Variants in METTL16 observed in about 807,000 individuals in gnomAD.
The protein encoded by METTL16 is methyltransferase 16, RNA N6-adenosine, also known as RNA N(6)-adenosine-methyltransferase METTL16.
A neutral mutation model predicts 57.9 loss-of-function variants in METTL16; 19 were observed. That is an observed-to-expected ratio of 0.33 (90% CI 0.23 to 0.48). The LOEUF (loss-of-function observed/expected upper bound fraction) is 0.48, where lower values mean the gene tolerates loss of function less well. Ranked by LOEUF, METTL16 falls within the 20% of genes least tolerant of loss-of-function variation. The pLI, the probability that METTL16 is intolerant of heterozygous loss-of-function variation, is 0.99. For synonymous variants in METTL16, 246 were observed against 255.6 expected (o/e 0.96, Z 0.36); for missense variants, 434 against 691.5 (o/e 0.63, Z 4.18).
intron 5 of METTL16, among the ~76,000 whole-genome samples, chr17:2,467,332 A>C (rs1194747040): frequency 6.6e-6 from 1 of 152,212 alleles, no homozygotes; most frequent in African/African-American, 2.4e-5. Flanking sequence ...TGAGCAACAC[A>C]GCGAGACCTC....
At chr17:2,428,349 A>T (rs924476103) in intron 8 of METTL16, among the ~76,000 whole-genome samples, 1 of 151,318 alleles carries the variant, frequency 6.6e-6, no homozygotes, top group Non-Finnish European at 1.5e-5. Flanking sequence ...ATGATAAAAA[A>T]GACTCACGAG....
rs907363388 is a variant in METTL16 at position 2,417,725 on chromosome 17, A to C, written c.*2245T>G. On this transcript the variant is annotated 3_prime_UTR_variant, in exon 10 of 10. Transcript: ENST00000263092. ...CACCCCGTCTACAGAGAGACTAGAA[A>C]GGAACACGCCAATGCCAAGAGTGGT... 2.0e-5 allele frequency: 3 copies of C among 152,242 alleles called. No homozygotes were observed. Among genetic ancestry groups the C allele is most frequent in the African/African-American group, 7.2e-5 (3 of 41,466 alleles). 9.4% of individuals were successfully genotyped at this position (152,242 alleles called of 1,614,324 possible).
At chr17:2,462,704 A>C (rs1597455819) in intron 6 of METTL16, among the ~76,000 whole-genome samples, 1 of 152,044 alleles carries the variant, frequency 6.6e-6, no homozygotes, top group Non-Finnish European at 1.5e-5. Flanking sequence ...CCATGATTGT[A>C]CGTTTCCTGA....
At chr17:2,490,418 A>C (rs1226641704) in intron 2 of METTL16, among the ~76,000 whole-genome samples, 3 of 152,200 alleles carry the variant, frequency 2.0e-5, no homozygotes, top group Non-Finnish European at 4.4e-5. Flanking sequence ...GAATGATTGT[A>C]TGTAACTACA....
At chr17:2,467,982 G>C (rs1229206483) in intron 4 of METTL16, 106 bp from the exon 5 acceptor site, 4 of 743,206 alleles carry the variant, frequency 5.4e-6, no homozygotes, top group Non-Finnish European at 9.4e-6. Context: ...ATATGATGGT[G>C]GTCCCGTAAG....
rs575533508 is a variant in METTL16, at chr17:2,502,509, G to A, written c.1-178C>T. Among the ~76,000 whole-genome samples, 202 of 152,128 alleles carry A rather than the reference G, an allele frequency of 1.3e-3. 1 individual carries two copies. The highest frequency in any genetic ancestry group is 2.0e-3 in the Non-Finnish European group (134 of 67,970). Reference sequence around the variant, plus strand: ...GGCCAACATGATGGGATGAAAGCCCGTCTCTACTAAAAATACAAAAAGTAG... The same window carrying A: ...GGCCAACATGATGGGATGAAAGCCCATCTCTACTAAAAATACAAAAAGTAG... On this transcript the variant is annotated intron_variant, in intron 1 of 9. Transcript: ENST00000263092.
At chr17:2,500,029 C>G (rs1371025652) in intron 2 of METTL16, among the ~76,000 whole-genome samples, 1 of 152,142 alleles carries the variant, frequency 6.6e-6, no homozygotes. Context: ...GATCTTAACC[C>G]TTATACTTGG....
chr17:2,486,816 T>C (rs933126822), intron 2 of METTL16, among the ~76,000 whole-genome samples: 6 of 151,422 alleles, frequency 4.0e-5, no homozygotes, highest in African/African-American at 1.5e-4. Context: ...CTATAAAATA[T>C]ACAAAAATTA....
intron 2 of METTL16, among the ~76,000 whole-genome samples, chr17:2,493,473 C>T (rs993020641): frequency 1.3e-5 from 2 of 151,678 alleles, no homozygotes; most frequent in Admixed American, 1.3e-4. Context: ...AATCCCAGCA[C>T]TTTGGGAGGC....
chr17:2,461,721 C>T (rs2067151375), intron 6 of METTL16, among the ~76,000 whole-genome samples: 1 of 151,872 alleles, frequency 6.6e-6, no homozygotes, highest in South Asian at 2.1e-4. Context: ...GGATTACAGG[C>T]GCCTGCCACC....
intron 1 of METTL16, among the ~76,000 whole-genome samples, chr17:2,504,348 AAAAATGGCT>A (rs2067514230): frequency 6.6e-6 from 1 of 152,236 alleles, no homozygotes; most frequent in Admixed American, 6.5e-5. Flanking sequence ...TGGTACACTT[AAAAATGGCT>A]AAAATGGTAA....
At chr17:2,426,728 C>CAA (rs778818177) in intron 8 of METTL16, among the ~76,000 whole-genome samples, 147 of 34,298 alleles carry the variant, frequency 4.3e-3, no homozygotes, top group Middle Eastern at 0.022. Context: ...GACTCCGTCT[C>CAA]AAAAAAAAAA....
intron 2 of METTL16, among the ~76,000 whole-genome samples, chr17:2,501,728 G>C (rs1304423106): frequency 6.6e-6 from 1 of 151,990 alleles, no homozygotes; most frequent in Non-Finnish European, 1.5e-5. Flanking sequence ...TGTGGTGGCG[G>C]GCGCCTGTAA....
At chr17:2,463,669 C>T (rs1006967615) in intron 6 of METTL16, among the ~76,000 whole-genome samples, 3 of 151,708 alleles carry the variant, frequency 2.0e-5, no homozygotes, top group Non-Finnish European at 4.4e-5. Flanking sequence ...ACTATATTGG[C>T]CAGGCTGGTC....
chr17:2,423,261 G>GGTGTGT (rs58486923), intron 8 of METTL16, among the ~76,000 whole-genome samples: 15,068 of 143,558 alleles, frequency 0.1, 864 homozygotes, highest in Admixed American at 0.13. Flanking sequence ...AAAAACAAAG[G>GGTGTGT]GTGTGTGTGT....
intron 3 of METTL16, among the ~76,000 whole-genome samples, chr17:2,474,835 G>C (rs1040796671): frequency 1.3e-5 from 2 of 152,156 alleles, no homozygotes; most frequent in African/African-American, 4.8e-5. Context: ...CAGGAGAATC[G>C]CTCGAACCTG....
intron 2 of METTL16, among the ~76,000 whole-genome samples, chr17:2,489,747 A>AAAAAAAAAAC (rs1363791950): frequency 6.6e-6 from 1 of 150,546 alleles, no homozygotes; most frequent in East Asian, 1.9e-4. Context: ...AAAAAAAAAA[A>AAAAAAAAAAC]AACGAATACT....
chr17:2,500,990 G>A (rs1019799098), intron 2 of METTL16, among the ~76,000 whole-genome samples: 1 of 151,990 alleles, frequency 6.6e-6, no homozygotes, highest in Non-Finnish European at 1.5e-5. Flanking sequence ...GGTGGTAGAG[G>A]CCTGTAGTCC....
chr17:2,448,766 TAAAAAATAAAAAAATAAAAAAATA>T (rs1323661847), intron 6 of METTL16, among the ~76,000 whole-genome samples: 1 of 37,218 alleles, frequency 2.7e-5, no homozygotes, highest in African/African-American at 1.0e-4. Context: ...ATAAAAAAAA[TAAAAAATAAAAAAATAAAAAAATA>T]AAAATAAAAT....
Sources: gnomAD v4.1 joint callset for allele counts (sites outside exome capture counted in the v4.1 genomes callset) on GRCh38, gnomAD v4.1.1 for gene constraint, MANE v1.5 for transcripts, NCBI Gene and HGNC (gene_info 2026-07-23, HGNC 2026-07-21) for gene names.